The following TANC1 variants were observed in gnomAD, a reference collection of about 807,000 sequenced individuals.
The protein encoded by TANC1 is tetratricopeptide repeat, ankyrin repeat and coiled-coil containing 1.
A neutral mutation model predicts 149.7 loss-of-function variants in TANC1; 77 were observed. The observed-to-expected ratio is 0.51, with a 90% CI of 0.43 to 0.62. The LOEUF is 0.62. TANC1 is among the 20% of genes least tolerant of loss of function. The probability of loss-of-function intolerance (pLI) is 0.00; values close to 1 mark genes in which losing one functional copy is unlikely to be tolerated. For missense variants in TANC1, 1,985 were observed against 2,321.8 expected (o/e 0.85, Z 2.98); for synonymous variants, 854 against 925.0 (o/e 0.92, Z 1.39).
chr2:159,162,358 C>T (rs1040501264), intron 7 of TANC1, among the ~76,000 whole-genome samples: 17 of 151,952 alleles, frequency 1.1e-4, no homozygotes, highest in African/African-American at 3.4e-4. Flanking sequence ...AAAGAGGCAT[C>T]GGTGGACATG....
At position 159,163,539 on chromosome 2, in the gene TANC1, A is replaced by G; in HGVS notation, c.939A>G (p.Ser313=). Residue 313 remains serine (S), a synonymous_variant, in exon 8 of 27, where the codon TCA becomes TCG. Transcript: ENST00000263635. ...CACTAATAATGCCACGGCCCAACTCAGTTGCAGGTAAGGCCACACCTTTCC... is the reference window on the plus strand; with the variant it reads ...CACTAATAATGCCACGGCCCAACTCGGTTGCAGGTAAGGCCACACCTTTCC... The part of the protein sequence containing the change: ...SSSLIMPRPN[S]VAATSSTKLE... The G allele has an allele frequency of 6.2e-7, 1 of 1,611,608 alleles. No individual in the cohort carries two copies. The highest frequency in any genetic ancestry group is 8.5e-7 in the Non-Finnish European group (1 of 1,179,296).
At chr2:159,179,698 A>C (rs1021383035) in intron 14 of TANC1, among the ~76,000 whole-genome samples, 2 of 151,918 alleles carry the variant, frequency 1.3e-5, no homozygotes, top group Admixed American at 1.3e-4. Flanking sequence ...CCCGCTCCAC[A>C]CCCTTCACCC....
intron 18 of TANC1, among the ~76,000 whole-genome samples, chr2:159,198,518 A>G (rs780881158): frequency 1.3e-5 from 2 of 152,250 alleles, no homozygotes; most frequent in African/African-American, 2.4e-5. Context: ...GAAGAGTCCC[A>G]TAAGGGAAAA....
chr2:159,032,114 TA>T (rs1319247469), intron 2 of TANC1, among the ~76,000 whole-genome samples: 1 of 152,096 alleles, frequency 6.6e-6, no homozygotes, highest in African/African-American at 2.4e-5. Flanking sequence ...TAGGAGGAGA[TA>T]GGGGGCGTGT....
intron 4 of TANC1, among the ~76,000 whole-genome samples, chr2:159,107,334 G>A (rs2047284204): frequency 6.6e-6 from 1 of 152,182 alleles, no homozygotes. Flanking sequence ...GCCGCTTACA[G>A]TGTTTCAAGT....
At chr2:159,201,213 T>C (rs2058221687) in intron 19 of TANC1, among the ~76,000 whole-genome samples, 1 of 152,140 alleles carries the variant, frequency 6.6e-6, no homozygotes, top group Admixed American at 6.5e-5. Flanking sequence ...AGGCCTGCAT[T>C]TGTCAGAGGA....
intron 2 of TANC1, among the ~76,000 whole-genome samples, chr2:159,018,534 G>A (rs919262872): frequency 4.6e-5 from 7 of 152,090 alleles, no homozygotes; most frequent in African/African-American, 7.2e-5. Flanking sequence ...GTAAGTGTAC[G>A]GTTCAGTGGC....
intron 4 of TANC1, among the ~76,000 whole-genome samples, chr2:159,111,512 T>G (rs2047717037): frequency 6.6e-6 from 1 of 152,224 alleles, no homozygotes; most frequent in Non-Finnish European, 1.5e-5. Flanking sequence ...GCCGTTGTTC[T>G]GCCATTTAAA....
At chr2:159,087,373 A>G (rs2045009378) in intron 3 of TANC1, among the ~76,000 whole-genome samples, 1 of 150,688 alleles carries the variant, frequency 6.6e-6, no homozygotes, top group Non-Finnish European at 1.5e-5. Context: ...TTTCTGGTTG[A>G]TATCATGTAT....
At chr2:159,164,675 G>T (rs892705392) in intron 8 of TANC1, among the ~76,000 whole-genome samples, 1 of 152,282 alleles carries the variant, frequency 6.6e-6, no homozygotes, top group Non-Finnish European at 1.5e-5. Context: ...CAGATTCTCC[G>T]CTCCTACGTC....
At chr2:159,004,294 A>T (rs921333154) in intron 2 of TANC1, 3 of 1,612,090 alleles carry the variant, frequency 1.9e-6, no homozygotes, top group Non-Finnish European at 2.5e-6. Flanking sequence ...GAAAATTTTG[A>T]TGAGGCATCA....
At chr2:159,004,703 TAAA>T (rs552601227) in intron 2 of TANC1, among the ~76,000 whole-genome samples, 2 of 151,308 alleles carry the variant, frequency 1.3e-5, no homozygotes, top group African/African-American at 4.9e-5. Flanking sequence ...CCAGTAGAAA[TAAA>T]AAAAACTTTA....
chr2:159,217,737 C>T, intron 20 of TANC1, 107 bp downstream of exon 20: 2 of 1,409,222 alleles, frequency 1.4e-6, no homozygotes, highest in East Asian at 4.6e-5. Context: ...CCTGTCTGTT[C>T]CCCATCCTCG....
intron 1 of TANC1, among the ~76,000 whole-genome samples, chr2:158,999,995 C>G (rs1237922881): frequency 6.6e-6 from 1 of 152,166 alleles, no homozygotes; most frequent in African/African-American, 2.4e-5. Context: ...AGGCTGGTCT[C>G]TAACTCCTGG....
chr2:158,995,529 G>A (rs1254398084), intron 1 of TANC1, among the ~76,000 whole-genome samples: 1 of 151,940 alleles, frequency 6.6e-6, no homozygotes, highest in Non-Finnish European at 1.5e-5. Flanking sequence ...CCCGAGGGCG[G>A]GACTCTTGGA....
Position 159,001,373 on chromosome 2 carries a change from T to C in TANC1, c.-16+184T>C, listed in dbSNP as rs2036605246. 6.6e-6 allele frequency among the ~76,000 whole-genome samples: 1 copy of C among 152,054 alleles called. No homozygotes were observed. Among genetic ancestry groups the C allele is most frequent in the African/African-American group, 2.4e-5 (1 of 41,406 alleles). On this transcript the variant is annotated intron_variant, in intron 2 of 26. Coordinates refer to ENST00000263635, the MANE Select transcript of TANC1 (RefSeq NM_033394.3). The surrounding 1 kb of genome is among the most constrained non-coding windows in gnomAD (Gnocchi z 4.3). ...AGAGAAGCCCTGTCAAAAGCAGAGATAGGGGAGTTAGTGTTTAATGAGTAC... is the reference window on the plus strand; with the variant it reads ...AGAGAAGCCCTGTCAAAAGCAGAGACAGGGGAGTTAGTGTTTAATGAGTAC...
intron 14 of TANC1, among the ~76,000 whole-genome samples, chr2:159,183,106 G>A (rs762544050): frequency 6.6e-6 from 1 of 152,222 alleles, no homozygotes; most frequent in African/African-American, 2.4e-5. Context: ...GTCAGGAGTG[G>A]GGACTTGGGG....
At position 159,097,706 on chromosome 2, in the gene TANC1, G is replaced by C. The variant is rs1348223402; in HGVS notation, c.131G>C (p.Ser44Thr). Residue 44 changes from serine (S) to threonine (T), a missense_variant, in exon 4 of 27, where the codon AGT becomes ACT. Transcript: ENST00000263635. ...LDHSADSPVS[S>T]LPTAEDTYRV... ...CACAGTGCTGACTCTCCTGTGAGCA[G>C]TCTTCCCACAGCAGAGGACACCTAT... The C allele has an allele frequency of 6.2e-7, 1 of 1,614,160 alleles. No individual in the cohort carries two copies. The highest frequency in any genetic ancestry group is 1.1e-5 in the South Asian group (1 of 91,078).
chr2:159,019,674 T>TTTTTTTTTTTTTTTG (rs2038639101), intron 2 of TANC1, among the ~76,000 whole-genome samples: 1 of 98,210 alleles, frequency 1.0e-5, no homozygotes, highest in Non-Finnish European at 2.2e-5. Flanking sequence ...TTTTTTTTTT[T>TTTTTTTTTTTTTTTG]TTTTTTTTTT....
Sources: gnomAD v4.1 joint callset for allele counts (sites outside exome capture counted in the v4.1 genomes callset) on GRCh38, gnomAD v4.1.1 for gene constraint, Gnocchi (gnomAD v3.1) non-coding constraint, MANE v1.5 for transcripts, NCBI Gene and HGNC (gene_info 2026-07-23, HGNC 2026-07-21) for gene names.